The following CARD10 variants were observed in gnomAD, a reference collection of about 807,000 sequenced individuals.
CARD10 encodes caspase recruitment domain family member 10, also known as caspase recruitment domain-containing protein 10.
CARD10 carries 49 observed loss-of-function variants against 114.6 expected under a neutral mutation model. That is an observed-to-expected ratio of 0.43 (90% confidence interval 0.34 to 0.54). The LOEUF is 0.54. CARD10 is among the 20% of genes least tolerant of loss of function. The pLI is 0.03. For missense variants in CARD10, 1,206 were observed against 1,397.2 expected, an observed-to-expected ratio of 0.86 and a Z score of 2.18; for synonymous variants, 602 against 593.2, an observed-to-expected ratio of 1.01 and a Z score of -0.21.
intron 1 of CARD10, 84 bp downstream of exon 1, chr22:37,518,882 T>C: frequency 7.0e-7 from 1 of 1,423,308 alleles, no homozygotes; most frequent in Non-Finnish European, 9.2e-7. Flanking sequence ...AGCAGAGCCC[T>C]AGCTTCGCGC....
intron 18 of CARD10, 122 bp from the exon 19 acceptor site, chr22:37,491,989 G>T: frequency 1.5e-6 from 1 of 685,478 alleles, no homozygotes; most frequent in African/African-American, 1.8e-5. Context: ...TCCCCACCCA[G>T]AGGGACCCTG....
chr22:37,494,846 C>T (rs901812078), intron 15 of CARD10, among the ~76,000 whole-genome samples: 4 of 152,224 alleles, frequency 2.6e-5, no homozygotes, highest in Admixed American at 6.5e-5. Context: ...CTGGGGCCCT[C>T]GCTCTTCCTT....
In CARD10 at chr22:37,491,266, C is replaced by A; in HGVS notation, c.2992G>T (p.Glu998Ter). Reference protein sequence around the residue: ...QVPAHEWGHAEELAKVVRGRI... With the variant: ...QVPAHEWGHA Reference sequence around the variant, plus strand: ...CCGCGCACCACCTTGGCCAGCTCCTCTGCGTGTCCCCACTCATGGGCGGGC... The same window carrying A: ...CCGCGCACCACCTTGGCCAGCTCCTATGCGTGTCCCCACTCATGGGCGGGC... The change falls in exon 20 of 20, where the codon GAG (glutamate) becomes TAG (stop). Residue 998 changes from glutamate (E) to a stop codon, truncating the protein, a stop_gained. Transcript: ENST00000251973. LOFTEE classifies it low-confidence loss of function (END_TRUNC). The A allele has an allele frequency of 6.4e-7, 1 of 1,569,164 alleles. No individual in the cohort carries two copies.
chr22:37,504,734 G>C lies in CARD10; in HGVS notation c.1419C>G (p.Leu473=). The C allele has an allele frequency of 6.3e-7, 1 of 1,575,686 alleles. No individual in the cohort carries two copies. The highest frequency in any genetic ancestry group is 8.6e-7 in the Non-Finnish European group (1 of 1,163,196). Residue 473 remains leucine, a synonymous_variant, in exon 8 of 20, where the codon CTC becomes CTG. Coordinates refer to ENST00000251973, the MANE Select transcript of CARD10 (RefSeq NM_014550.4). ...CASSHSLCSN[L]SSTWSLSEFP... Reference sequence around the variant, plus strand: ...ACTCGCTCAGGCTCCAAGTGCTGCTGAGGTTGGAGCACAGGGAATGGGAGG... The same window carrying C: ...ACTCGCTCAGGCTCCAAGTGCTGCTCAGGTTGGAGCACAGGGAATGGGAGG...
At position 37,509,096 on chromosome 22, in the gene CARD10, A is replaced by T. The variant is rs1156471648; in HGVS notation, c.910-414T>A. The T allele has an allele frequency of 2.6e-6, 4 of 1,538,966 alleles. No homozygotes were observed. In the East Asian group the frequency reaches 9.8e-5, roughly 38 times the overall value. On this transcript the variant is annotated intron_variant, in intron 4 of 19. Coordinates refer to ENST00000251973, the MANE Select transcript of CARD10 (RefSeq NM_014550.4). ...TCAAGGGGCTGAGCCTGGCCCATAC[A>T]GGTAGACCCTGGGCCCAAGATCTTG... is the stretch of plus-strand genomic sequence containing the variant.
chr22:37,498,733 T>C (rs1241798949), intron 11 of CARD10, among the ~76,000 whole-genome samples: 1 of 152,176 alleles, frequency 6.6e-6, no homozygotes, highest in African/African-American at 2.4e-5. Flanking sequence ...GCCTGAGACC[T>C]GGCCTGGCTA....
At chr22:37,505,202 C>A (rs959689251) in intron 7 of CARD10, among the ~76,000 whole-genome samples, 4 of 152,060 alleles carry the variant, frequency 2.6e-5, no homozygotes, top group Admixed American at 1.3e-4. Flanking sequence ...ACAAGAGGAA[C>A]CCCACCCGCA....
rs1922860972 is a variant in CARD10, at chr22:37,492,957, ACGGTGGCAGTAGGCTCCTCC to A, written c.2477-175_2477-156del. Among the ~76,000 whole-genome samples, 1 of 152,070 alleles carries A rather than the reference ACGGTGGCAGTAGGCTCCTCC, an allele frequency of 6.6e-6. No homozygotes were observed. Among genetic ancestry groups the A allele is most frequent in the African/African-American group, 2.4e-5 (1 of 41,370 alleles). On this transcript the variant is annotated intron_variant, in intron 16 of 19. Transcript: ENST00000251973. This position sits in a 1 kb window ranked among gnomAD's most constrained non-coding sequence, Gnocchi z 5.7. ...CACACACACACCCTTAGTAGGACCGACGGTGGCAGTAGGCTCCTCCCTGATTCTCTGCCTCATCCCTGCCC... is the reference window on the plus strand; with the variant it reads ...CACACACACACCCTTAGTAGGACCGACTGATTCTCTGCCTCATCCCTGCCC...
At chr22:37,500,176 G>A (rs142502007) in intron 11 of CARD10, among the ~76,000 whole-genome samples, 3 of 152,324 alleles carry the variant, frequency 2.0e-5, no homozygotes, top group Admixed American at 1.3e-4. Flanking sequence ...CTGACAACCC[G>A]ATGGTTGAGA....
At chr22:37,512,744 C>T (rs1923705590) in intron 3 of CARD10, among the ~76,000 whole-genome samples, 1 of 152,160 alleles carries the variant, frequency 6.6e-6, no homozygotes, top group South Asian at 2.1e-4. Context: ...CCCTGGCCAG[C>T]CGGCTTCCCT....
In CARD10 at chr22:37,492,060, G is replaced by A. The variant is rs927240641; in HGVS notation, c.2752-193C>T. Among the ~76,000 whole-genome samples the A allele has an allele frequency of 2.0e-5, 3 of 152,022 alleles. No individual in the cohort carries two copies. The highest frequency in any genetic ancestry group is 7.3e-5 in the African/African-American group (3 of 41,374). On this transcript the variant is annotated intron_variant, in intron 18 of 19. Coordinates refer to ENST00000251973, the MANE Select transcript of CARD10 (RefSeq NM_014550.4). This position sits in a 1 kb window ranked among gnomAD's most constrained non-coding sequence, Gnocchi z 5.7. ...GCCTGGGCTCATGGGGCAACCTGGAGATACAGACCTCCCCCTCAGGACCTA... is the reference window on the plus strand; with the variant it reads ...GCCTGGGCTCATGGGGCAACCTGGAAATACAGACCTCCCCCTCAGGACCTA...
intron 11 of CARD10, among the ~76,000 whole-genome samples, chr22:37,499,246 T>G (rs1180407457): frequency 1.3e-5 from 2 of 152,166 alleles, no homozygotes; most frequent in Non-Finnish European, 2.9e-5. Flanking sequence ...CTCAGCCGCT[T>G]GAGCCTCAGC....
chr22:37,491,805 G>A lies in CARD10; in HGVS notation c.2814C>T (p.Tyr938=), dbSNP rs745585597. The A allele has an allele frequency of 2.5e-6, 4 of 1,610,408 alleles. No individual in the cohort carries two copies. The highest frequency in any genetic ancestry group is 3.4e-6 in the Non-Finnish European group (4 of 1,179,308). ...GVRELVQNEI[Y]PIVIHVEVTE... ...TCACCTCCACGTGGATGACGATGGG[G>A]TAGATCTCGTTCTGCACCAGCTCCC... Residue 938 remains tyrosine (Y), a synonymous_variant, in exon 19 of 20, where the codon TAC becomes TAT. Transcript: ENST00000251973.
chr22:37,518,236 G>T (rs1601821322), intron 1 of CARD10, 128 bp from the exon 2 acceptor site: 1 of 841,168 alleles, frequency 1.2e-6, no homozygotes, highest in Non-Finnish European at 1.9e-6. Context: ...ACACACAGGG[G>T]CCTGTCCCAA....
rs1280526159 is a variant in CARD10, at chr22:37,490,460, C to T, written c.*699G>A. 6.6e-6 allele frequency: 1 copy of T among 152,256 alleles called. No individual in the cohort carries two copies. The highest frequency in any genetic ancestry group is 2.4e-5 in the African/African-American group (1 of 41,448). The allele number at this position is 152,256 out of a possible 1,614,324, so 9.4% of individuals were successfully genotyped here. On this transcript the variant is annotated 3_prime_UTR_variant, in exon 20 of 20. Coordinates refer to ENST00000251973, the MANE Select transcript of CARD10 (RefSeq NM_014550.4). ...CCGTACATTCTCATGACAGAGCAGC[C>T]GCCCTCCTCGGCCCCCCAAGAGGGA...
intron 15 of CARD10, 23 bp downstream of exon 15, chr22:37,495,494 A>G: frequency 6.3e-7 from 1 of 1,592,258 alleles, no homozygotes; most frequent in Non-Finnish European, 8.5e-7. Context: ...CCCCCCACCC[A>G]CTACCTGCCC....
Position 37,491,442 on chromosome 22 carries a change from CAG to C in CARD10, c.2865-51_2865-50del, listed in dbSNP as rs1211896474. 6 of 1,332,538 alleles carry C rather than the reference CAG, an allele frequency of 4.5e-6. No homozygotes were observed. The East Asian group carries it at 1.3e-4, about 29-fold the overall frequency. 82.5% of individuals were successfully genotyped at this position (1,332,538 alleles called of 1,614,324 possible). ...GGTCAAAGTGGGGGACCAAGACAGA[CAG>C]AGAGACAGGGAGAGAGGGACAGACA... is the stretch of plus-strand genomic sequence containing the variant. On this transcript the variant is annotated intron_variant, in intron 19 of 19. Coordinates refer to ENST00000251973, the MANE Select transcript of CARD10 (RefSeq NM_014550.4).
chr22:37,517,680 T>A (rs1454550877), intron 2 of CARD10, among the ~76,000 whole-genome samples: 1 of 152,120 alleles, frequency 6.6e-6, no homozygotes, highest in Non-Finnish European at 1.5e-5. Context: ...GCCTCTGTAT[T>A]TTTTTACATA....
chr22:37,496,825 C>T lies in CARD10; in HGVS notation c.1947+194G>A, dbSNP rs1601809392. ...GTAACGTGCTGTCAGTTGGCTCCAC[C>T]TCCCAGTCCCTGCCCAATCAGACTT... On this transcript the variant is annotated intron_variant, in intron 12 of 19. Transcript: ENST00000251973. This position sits in a 1 kb window ranked among gnomAD's most constrained non-coding sequence, Gnocchi z 4.1. The T allele has an allele frequency of 1.4e-6, 1 of 717,630 alleles. No homozygotes were observed. Among genetic ancestry groups the T allele is most frequent in the Non-Finnish European group, 2.3e-6 (1 of 431,690 alleles). 44.5% of individuals were successfully genotyped at this position (717,630 alleles called of 1,614,324 possible).
Sources: gnomAD v4.1 joint callset for allele counts (sites outside exome capture counted in the v4.1 genomes callset) on GRCh38, gnomAD v4.1.1 for gene constraint, Gnocchi (gnomAD v3.1) non-coding constraint, MANE v1.5 for transcripts, NCBI Gene and HGNC (gene_info 2026-07-23, HGNC 2026-07-21) for gene names.